XRCC4: variants seen among roughly 807,000 people sequenced by gnomAD.
The protein encoded by XRCC4 is X-ray repair cross complementing 4.
A neutral mutation model predicts 39.1 loss-of-function variants in XRCC4; 28 were observed. The observed-to-expected ratio is 0.72, with a 90% CI of 0.53 to 0.98. XRCC4 has a LOEUF of 0.98. Ranked by LOEUF, XRCC4 falls within the 50% of genes least tolerant of loss-of-function variation. The pLI, the probability that XRCC4 is intolerant of heterozygous loss-of-function variation, is 0.00. For missense variants in XRCC4, 350 were observed against 376.4 expected, an observed-to-expected ratio of 0.93 and a Z score of 0.58; for synonymous variants, 123 against 126.4, an observed-to-expected ratio of 0.97 and a Z score of 0.18.
chr5:83,146,576 T>A (rs1398023269), intron 3 of XRCC4, among the ~76,000 whole-genome samples: 1 of 152,218 alleles, frequency 6.6e-6, no homozygotes. Flanking sequence ...ATTATTCATT[T>A]TTGTGTGGTG....
At chr5:83,091,731 G>A (rs990103963) in intron 1 of XRCC4, among the ~76,000 whole-genome samples, 7 of 152,134 alleles carry the variant, frequency 4.6e-5, no homozygotes, top group Non-Finnish European at 1.0e-4. Context: ...GTTCCATTGT[G>A]TGTAGATGAA....
chr5:83,351,128 G>A (rs966814270), intron 7 of XRCC4, among the ~76,000 whole-genome samples: 3 of 151,990 alleles, frequency 2.0e-5, no homozygotes, highest in African/African-American at 7.3e-5. Flanking sequence ...AAAATGTGTG[G>A]CATCTTACCC....
At chr5:83,132,556 A>T (rs1417409686) in intron 3 of XRCC4, among the ~76,000 whole-genome samples, 3 of 151,332 alleles carry the variant, frequency 2.0e-5, no homozygotes, top group Non-Finnish European at 2.9e-5. Context: ...ATAGTCCCAT[A>T]TTTCTCGGAG....
At chr5:83,372,908 C>T in the XRCC4 span, among the ~76,000 whole-genome samples, 1 of 152,182 alleles carries the variant, frequency 6.6e-6, no homozygotes, top group African/African-American at 2.4e-5. Context: ...AAGGAATAAG[C>T]TTGTTTTATT....
At chr5:83,341,612 GA>G (rs149025471) in intron 7 of XRCC4, among the ~76,000 whole-genome samples, 3 of 151,910 alleles carry the variant, frequency 2.0e-5, no homozygotes, top group African/African-American at 7.3e-5. Context: ...TTCCTCAGAA[GA>G]AAAAAACATC....
intron 7 of XRCC4, among the ~76,000 whole-genome samples, chr5:83,262,483 A>G (rs866422074): frequency 2.0e-4 from 30 of 151,994 alleles, no homozygotes; most frequent in African/African-American, 6.5e-4. Context: ...CTTTCCTTTT[A>G]TTTTGACTCA....
At chr5:83,144,047 C>T (rs1313029657) in intron 3 of XRCC4, among the ~76,000 whole-genome samples, 1 of 152,034 alleles carries the variant, frequency 6.6e-6, no homozygotes, top group Non-Finnish European at 1.5e-5. Flanking sequence ...TTTTATCCCT[C>T]ATTCCCCTCT....
rs555326741 is a variant in XRCC4, at chr5:83,077,627, A to G, written c.-11+12A>G. 1 of 396,530 alleles carries G rather than the reference A, an allele frequency of 2.5e-6. No homozygotes were observed. The highest frequency in any genetic ancestry group is 4.5e-5 in the South Asian group (1 of 22,042). 24.6% of individuals were successfully genotyped at this position (396,530 alleles called of 1,614,324 possible). A position where few individuals can be genotyped will look rare whatever the true frequency, so the allele number is the denominator to read the frequency against. On this transcript the variant is annotated intron_variant, in intron 1 of 7. Coordinates refer to ENST00000396027, the MANE Select transcript of XRCC4 (RefSeq NM_003401.5). ...AGAGTCACGGAGAGGTAGGATCCGG[A>G]AGTGGGGCTGCCTCTTTAAATAACA...
intron 7 of XRCC4, among the ~76,000 whole-genome samples, chr5:83,333,692 T>A (rs1756506242): frequency 6.6e-6 from 1 of 151,970 alleles, no homozygotes; most frequent in Non-Finnish European, 1.5e-5. Context: ...AAGAGAAACC[T>A]AAAGAATTTA....
chr5:83,231,021 T>C (rs1320080935), intron 6 of XRCC4, among the ~76,000 whole-genome samples: 8 of 152,016 alleles, frequency 5.3e-5, no homozygotes. Context: ...ACTTCTGATT[T>C]CAGTGTCAGG....
At chr5:83,212,958 A>C (rs945386587) in intron 6 of XRCC4, among the ~76,000 whole-genome samples, 2 of 151,570 alleles carry the variant, frequency 1.3e-5, no homozygotes, top group African/African-American at 2.4e-5. Flanking sequence ...AATAAAAAAA[A>C]AAAACAAAAA....
At chr5:83,178,973 C>T (rs72767173) in intron 3 of XRCC4, among the ~76,000 whole-genome samples, 2,319 of 152,238 alleles carry the variant, frequency 0.015, 57 homozygotes, top group African/African-American at 0.052. Flanking sequence ...ATTCCCCTTG[C>T]GTGGCTAGCT....
At chr5:83,259,819 C>G (rs997757122) in intron 7 of XRCC4, among the ~76,000 whole-genome samples, 55 of 151,976 alleles carry the variant, frequency 3.6e-4, no homozygotes, top group African/African-American at 1.3e-3. Context: ...TCTTGAGACC[C>G]TCAAAAATTT....
chr5:83,137,098 T>C (rs1385953123), intron 3 of XRCC4, among the ~76,000 whole-genome samples: 1 of 152,086 alleles, frequency 6.6e-6, no homozygotes, highest in Non-Finnish European at 1.5e-5. Flanking sequence ...ATGATTACCA[T>C]CCAAAAGTTA....
At chr5:83,131,506 G>A (rs1164971005) in intron 3 of XRCC4, among the ~76,000 whole-genome samples, 3 of 152,098 alleles carry the variant, frequency 2.0e-5, no homozygotes, top group Non-Finnish European at 1.5e-5. Flanking sequence ...TTATTGTGTG[G>A]GAATCTAAGT....
intron 6 of XRCC4, among the ~76,000 whole-genome samples, chr5:83,217,416 A>G (rs924939705): frequency 3.3e-5 from 5 of 151,440 alleles, no homozygotes; most frequent in Non-Finnish European, 7.4e-5. Context: ...AAATTCTTGT[A>G]CATCCTAGGT....
intron 1 of XRCC4, among the ~76,000 whole-genome samples, chr5:83,096,596 C>T (rs1004241821): frequency 6.6e-6 from 1 of 152,170 alleles, no homozygotes; most frequent in African/African-American, 2.4e-5. Flanking sequence ...TTGGGTTTTA[C>T]AGCCTCCTAC....
intron 3 of XRCC4, among the ~76,000 whole-genome samples, chr5:83,172,913 T>G (rs1749793506): frequency 6.6e-6 from 1 of 152,162 alleles, no homozygotes; most frequent in African/African-American, 2.4e-5. Flanking sequence ...ACTCTTCCTT[T>G]TTTCAGTGGC....
downstream of XRCC4, among the ~76,000 whole-genome samples, chr5:83,354,884 C>T (rs1757172392): frequency 6.6e-6 from 1 of 152,154 alleles, no homozygotes; most frequent in South Asian, 2.1e-4. Flanking sequence ...TCACTGGTCT[C>T]CCTGCTTAAT....
Sources: gnomAD v4.1 joint callset for allele counts (sites outside exome capture counted in the v4.1 genomes callset) on GRCh38, gnomAD v4.1.1 for gene constraint, MANE v1.5 for transcripts, NCBI Gene and HGNC (gene_info 2026-07-23, HGNC 2026-07-21) for gene names.